The following PTPRT variants were observed in gnomAD, a reference collection of about 807,000 sequenced individuals.
The protein encoded by PTPRT is protein tyrosine phosphatase receptor type T, also known as receptor-type tyrosine-protein phosphatase T.
Under a neutral mutation model 176.8 loss-of-function variants are expected in PTPRT, and 56 were observed. The observed-to-expected ratio is 0.32, with a 90% CI of 0.26 to 0.40. The LOEUF is 0.40. Among genes scored for constraint, PTPRT ranks in the 10% least tolerant of loss-of-function variants. The pLI is 1.00. For synonymous variants in PTPRT, 783 were observed against 739.0 expected, an observed-to-expected ratio of 1.06 and a Z score of -0.96; for missense variants, 1,540 against 1,908.2, an observed-to-expected ratio of 0.81 and a Z score of 3.60.
chr20:42,902,156 C>G (rs1288065875), intron 1 of PTPRT, among the ~76,000 whole-genome samples: 1 of 152,194 alleles, frequency 6.6e-6, no homozygotes, highest in Non-Finnish European at 1.5e-5. Flanking sequence ...ACAGGAACAT[C>G]TGGCTTTCTA....
At chr20:42,772,156 C>T (rs1429467465) in intron 4 of PTPRT, among the ~76,000 whole-genome samples, 1 of 152,078 alleles carries the variant, frequency 6.6e-6, no homozygotes. Flanking sequence ...AGACAAAGAG[C>T]GGAAGAGGGA....
At chr20:42,984,073 C>T (rs986272309) in intron 1 of PTPRT, among the ~76,000 whole-genome samples, 2 of 152,250 alleles carry the variant, frequency 1.3e-5, no homozygotes, top group African/African-American at 2.4e-5. Flanking sequence ...CAGGTACACT[C>T]AGCTGCACCA....
chr20:42,654,369 G>A (rs966562673), intron 7 of PTPRT, among the ~76,000 whole-genome samples: 2 of 152,260 alleles, frequency 1.3e-5, no homozygotes, highest in East Asian at 3.9e-4. Context: ...CAGACAGGCA[G>A]GCAGGCAGGC....
At chr20:42,666,891 TA>T (rs1372679578) in intron 7 of PTPRT, among the ~76,000 whole-genome samples, 5 of 152,348 alleles carry the variant, frequency 3.3e-5, no homozygotes, top group South Asian at 2.1e-4. Flanking sequence ...AATCTTTTAG[TA>T]GTTCCAATAG....
the PTPRT span, among the ~76,000 whole-genome samples, chr20:42,041,114 A>G: frequency 1.3e-5 from 2 of 152,058 alleles, no homozygotes; most frequent in African/African-American, 2.4e-5. Context: ...ACCTCTGTTG[A>G]TCTGGGAGCA....
chr20:42,514,003 G>A (rs556733820), intron 7 of PTPRT, among the ~76,000 whole-genome samples: 27 of 152,154 alleles, frequency 1.8e-4, no homozygotes, highest in Middle Eastern at 3.4e-3. Context: ...CCCATTGAGC[G>A]TAAATATGAC....
intron 7 of PTPRT, among the ~76,000 whole-genome samples, chr20:42,484,403 GA>G (rs2071435135): frequency 6.6e-6 from 1 of 152,122 alleles, no homozygotes; most frequent in Non-Finnish European, 1.5e-5. Context: ...TGTATCTGTT[GA>G]GCATTACACA....
intron 6 of PTPRT, among the ~76,000 whole-genome samples, chr20:42,736,708 A>G (rs1314744925): frequency 6.6e-6 from 1 of 152,164 alleles, no homozygotes; most frequent in Non-Finnish European, 1.5e-5. Context: ...CTGGAGAGAG[A>G]CACGGGGTAC....
intron 9 of PTPRT, among the ~76,000 whole-genome samples, chr20:42,390,201 G>T (rs2058787794): frequency 6.6e-6 from 1 of 152,074 alleles, no homozygotes; most frequent in African/African-American, 2.4e-5. Context: ...AAAAAGTTCT[G>T]GGCATGTAAT....
intron 7 of PTPRT, among the ~76,000 whole-genome samples, chr20:42,563,210 G>A (rs1207721087): frequency 1.3e-5 from 2 of 152,130 alleles, no homozygotes; most frequent in African/African-American, 2.4e-5. Flanking sequence ...AATAAGAGAT[G>A]TGTAAAGCTC....
chr20:42,786,389 C>A (rs1272142274), intron 3 of PTPRT, among the ~76,000 whole-genome samples: 1 of 152,156 alleles, frequency 6.6e-6, no homozygotes, highest in African/African-American at 2.4e-5. Context: ...TAACATTACA[C>A]AACTAGGAAG....
intron 7 of PTPRT, among the ~76,000 whole-genome samples, chr20:42,626,655 A>G (rs528627912): frequency 1.4e-4 from 22 of 152,290 alleles, no homozygotes; most frequent in African/African-American, 4.8e-4. Context: ...GAGGACCTAC[A>G]TTCACAGGGC....
rs550421575 is a variant in PTPRT at position 42,465,467 on chromosome 20, CAT to C, written c.1450+6797_1450+6798del. 4.4e-3 allele frequency among the ~76,000 whole-genome samples: 665 copies of C among 152,056 alleles called. 5 individuals carry two copies. The highest frequency in any genetic ancestry group is 7.8e-3 in the Non-Finnish European group (527 of 67,992). ...TATTTCCATCAACACAATGAAATAC[CAT>C]AGTGTCATAAAAAATAAAGAGCAAA... On this transcript the variant is annotated intron_variant, in intron 8 of 30. Coordinates refer to ENST00000373187, the MANE Select transcript of PTPRT (RefSeq NM_007050.6).
intron 15 of PTPRT, among the ~76,000 whole-genome samples, chr20:42,203,554 A>T (rs141781423): frequency 2.0e-5 from 3 of 152,128 alleles, no homozygotes; most frequent in East Asian, 1.9e-4. Context: ...CCAAGGCTCA[A>T]TGTAAGTGTC....
chr20:43,048,311 C>A lies in PTPRT; in HGVS notation c.88+141335G>T, dbSNP rs530210273. On this transcript the variant is annotated intron_variant, in intron 1 of 30. Coordinates refer to ENST00000373187, the MANE Select transcript of PTPRT (RefSeq NM_007050.6). ...TGCCAGGGGTTGGTGGATAGACAGT[C>A]CACGAGCCCTGGCTGGGGAGACTGT... is the stretch of plus-strand genomic sequence containing the variant. 2.8e-4 allele frequency among the ~76,000 whole-genome samples: 43 copies of A among 152,210 alleles called. No individual in the cohort carries two copies. In the East Asian group the frequency reaches 8.1e-3, roughly 29 times the overall value.
chr20:42,730,132 C>A (rs1257199369), intron 6 of PTPRT, among the ~76,000 whole-genome samples: 1 of 152,208 alleles, frequency 6.6e-6, no homozygotes, highest in Non-Finnish European at 1.5e-5. Flanking sequence ...GAAAACCTGA[C>A]TTACTACCCA....
At chr20:42,343,874 CAACAGCTTGGCCA>C (rs145882071) in intron 11 of PTPRT, among the ~76,000 whole-genome samples, 25,753 of 152,212 alleles carry the variant, frequency 0.17, 2,683 homozygotes, top group Non-Finnish European at 0.24. Context: ...CTCTTTGCCT[CAACAGCTTGGCCA>C]AACACAAGGA....
At chr20:42,108,428 C>G (rs1986686994) in intron 23 of PTPRT, among the ~76,000 whole-genome samples, 1 of 152,000 alleles carries the variant, frequency 6.6e-6, no homozygotes, top group Non-Finnish European at 1.5e-5. Context: ...ACTCACTCAT[C>G]TATAAAATGA....
chr20:42,418,419 C>T (rs2059086099), intron 9 of PTPRT, among the ~76,000 whole-genome samples: 1 of 152,100 alleles, frequency 6.6e-6, no homozygotes, highest in Non-Finnish European at 1.5e-5. Flanking sequence ...CCAAAACTGA[C>T]CACATTATCA....
Sources: gnomAD v4.1 joint callset for allele counts (sites outside exome capture counted in the v4.1 genomes callset) on GRCh38, gnomAD v4.1.1 for gene constraint, MANE v1.5 for transcripts, NCBI Gene and HGNC (gene_info 2026-07-23, HGNC 2026-07-21) for gene names.